Variants in NCAM2 observed in about 807,000 individuals in gnomAD.
The protein encoded by NCAM2 is neural cell adhesion molecule 2.
In NCAM2, 30 loss-of-function variants were observed where a neutral mutation model predicts 98.1. That is an observed-to-expected ratio of 0.31 (90% CI 0.23 to 0.41). The LOEUF is 0.41. NCAM2 is among the 10% of genes least tolerant of loss of function. The probability of loss-of-function intolerance (pLI) is 1.00; values close to 1 mark genes in which losing one functional copy is unlikely to be tolerated. For synonymous variants in NCAM2, 368 were observed against 342.4 expected, an observed-to-expected ratio of 1.07 and a Z score of -0.83; for missense variants, 867 against 1,005.8, an observed-to-expected ratio of 0.86 and a Z score of 1.87.
At chr21:21,063,783 AT>A (rs1339634842) in intron 1 of NCAM2, among the ~76,000 whole-genome samples, 2 of 151,874 alleles carry the variant, frequency 1.3e-5, no homozygotes, top group South Asian at 2.1e-4. Flanking sequence ...TTTATACTTG[AT>A]TTTTTTTCTC....
intron 10 of NCAM2, 109 bp downstream of exon 10, chr21:21,410,570 G>A: frequency 5.3e-6 from 3 of 566,628 alleles, no homozygotes; most frequent in Non-Finnish European, 8.1e-6. Flanking sequence ...ATAAGAGAGA[G>A]AAATCATGGT....
intron 6 of NCAM2, among the ~76,000 whole-genome samples, chr21:21,327,023 G>A (rs1248093009): frequency 6.6e-6 from 1 of 152,106 alleles, no homozygotes; most frequent in East Asian, 1.9e-4. Flanking sequence ...TAGTCAGCTT[G>A]GGCTGCCAAA....
chr21:21,258,588 C>T (rs923672515), intron 1 of NCAM2, among the ~76,000 whole-genome samples: 1 of 152,158 alleles, frequency 6.6e-6, no homozygotes, highest in Non-Finnish European at 1.5e-5. Context: ...CCTAAGGAAA[C>T]ACTGTCAGTG....
chr21:21,449,310 G>A (rs1260529478), intron 12 of NCAM2, among the ~76,000 whole-genome samples: 1 of 151,646 alleles, frequency 6.6e-6, no homozygotes, highest in Non-Finnish European at 1.5e-5. Context: ...TATTTCATGA[G>A]TGTTTTATAG....
intron 1 of NCAM2, among the ~76,000 whole-genome samples, chr21:21,230,681 T>C (rs1380553362): frequency 6.6e-6 from 1 of 151,456 alleles, no homozygotes; most frequent in Non-Finnish European, 1.5e-5. Context: ...TTAAGCATTG[T>C]GTCAAAATTG....
intron 8 of NCAM2, among the ~76,000 whole-genome samples, chr21:21,344,755 T>C (rs2147907976): frequency 6.6e-6 from 1 of 152,228 alleles, no homozygotes; most frequent in South Asian, 2.1e-4. Flanking sequence ...CTCCTGCTGA[T>C]TGTAGAGCCC....
intron 8 of NCAM2, among the ~76,000 whole-genome samples, chr21:21,365,241 G>GTT (rs1017236980): frequency 1.5e-4 from 3 of 20,068 alleles, no homozygotes; most frequent in African/African-American, 5.0e-4. Context: ...CTTAGTGCGT[G>GTT]TGTGTGTGTG....
chr21:21,046,857 C>G (rs2065014700), intron 1 of NCAM2, among the ~76,000 whole-genome samples: 1 of 152,120 alleles, frequency 6.6e-6, no homozygotes, highest in African/African-American at 2.4e-5. Context: ...AAAAAGCAGA[C>G]AAGCACCAAA....
At chr21:21,446,544 A>G (rs1569072648) in intron 12 of NCAM2, among the ~76,000 whole-genome samples, 1 of 152,036 alleles carries the variant, frequency 6.6e-6, no homozygotes, top group Non-Finnish European at 1.5e-5. Context: ...TTGGAAGTTC[A>G]GGCCTGTGCA....
intron 15 of NCAM2, among the ~76,000 whole-genome samples, chr21:21,494,238 T>A (rs1273383735): frequency 6.6e-6 from 1 of 151,924 alleles, no homozygotes. Context: ...CGAAAACAAA[T>A]TATAAAATAT....
At chr21:21,057,967 A>C (rs192772919) in intron 1 of NCAM2, among the ~76,000 whole-genome samples, 2 of 152,130 alleles carry the variant, frequency 1.3e-5, no homozygotes, top group Non-Finnish European at 2.9e-5. Flanking sequence ...TGATATGATG[A>C]TGTCTCCGAA....
intron 6 of NCAM2, 78 bp from the exon 7 acceptor site, chr21:21,335,427 A>G (rs2074834344): frequency 7.9e-7 from 1 of 1,260,886 alleles, no homozygotes; most frequent in South Asian, 1.7e-5. Context: ...ATCAATGCCT[A>G]TAGATTAAAA....
chr21:21,378,087 G>A (rs8132609), intron 9 of NCAM2, among the ~76,000 whole-genome samples: 95,858 of 151,496 alleles, frequency 0.63, 30,549 homozygotes, highest in Middle Eastern at 0.73. Context: ...TCATTCATTG[G>A]TGGACATTTA....
chr21:21,331,331 T>C (rs1458186609), intron 6 of NCAM2, among the ~76,000 whole-genome samples: 1 of 149,886 alleles, frequency 6.7e-6, no homozygotes, highest in Non-Finnish European at 1.5e-5. Context: ...AGAGAAGTGG[T>C]TTCAGTGTGT....
chr21:21,297,677 A>G (rs967034963), intron 5 of NCAM2, among the ~76,000 whole-genome samples: 2 of 151,618 alleles, frequency 1.3e-5, no homozygotes, highest in Admixed American at 6.6e-5. Flanking sequence ...TAACCCACAT[A>G]TATTCTCCCA....
chr21:21,123,872 G>T, intron 1 of NCAM2, among the ~76,000 whole-genome samples: 2 of 3,210 alleles, frequency 6.2e-4, no homozygotes. Flanking sequence ...TTTTGAGACG[G>T]AGTCTCACTC....
At chr21:21,413,882 G>A (rs893761443) in intron 10 of NCAM2, among the ~76,000 whole-genome samples, 3 of 152,158 alleles carry the variant, frequency 2.0e-5, no homozygotes, top group Admixed American at 2.0e-4. Flanking sequence ...TTTCATGAAA[G>A]ATCTCTGTGT....
At chr21:21,327,180 C>T (rs575676493) in intron 6 of NCAM2, among the ~76,000 whole-genome samples, 3 of 152,106 alleles carry the variant, frequency 2.0e-5, no homozygotes, top group East Asian at 3.9e-4. Flanking sequence ...TGGTGGTACG[C>T]GCCTGTAGTC....
intron 1 of NCAM2, among the ~76,000 whole-genome samples, chr21:21,254,221 A>G (rs907272685): frequency 3.3e-5 from 5 of 152,212 alleles, no homozygotes; most frequent in African/African-American, 1.2e-4. Flanking sequence ...TATTTCTTAG[A>G]CAGAATTTAT....
Sources: gnomAD v4.1 joint callset for allele counts (sites outside exome capture counted in the v4.1 genomes callset) on GRCh38, gnomAD v4.1.1 for gene constraint, MANE v1.5 for transcripts, NCBI Gene and HGNC (gene_info 2026-07-23, HGNC 2026-07-21) for gene names.